Variants in BRCA2 observed in about 807,000 individuals in gnomAD.
BRCA2 encodes the protein breast cancer type 2 susceptibility protein.
A neutral mutation model predicts 276.7 loss-of-function variants in BRCA2; 203 were observed. That is an observed-to-expected ratio of 0.73 (90% CI 0.65 to 0.82). BRCA2 has a LOEUF of 0.82. BRCA2 is among the 40% of genes least tolerant of loss of function. BRCA2 has a pLI of 0.00. For missense variants in BRCA2, 3,920 were observed against 3,915.0 expected (o/e 1.00, Z -0.03); for synonymous variants, 1,289 against 1,338.4 (o/e 0.96, Z 0.81).
chr13:32,333,489 T>G (rs926659335), intron 10 of BRCA2, 102 bp downstream of exon 10: 18 of 1,286,666 alleles, frequency 1.4e-5, no homozygotes, highest in South Asian at 9.6e-5. Context: ...TATCTTATAT[T>G]TAATCTTAGG....
chr13:32,398,620 T>G lies in BRCA2; in HGVS notation c.10107T>G (p.Thr3369=). Residue 3369 remains threonine (T), a synonymous_variant, in exon 27 of 27, where the codon ACT becomes ACG. Coordinates refer to ENST00000380152, the MANE Select transcript of BRCA2 (RefSeq NM_000059.4). ...AATTTATATCTGTCAGTGAATCCAC[T>G]AGGACTGCTCCCACCAGTTCAGAAG... The part of the protein sequence containing the change: ...EKQFISVSES[T]RTAPTSSEDY... The G allele has an allele frequency of 6.2e-7, 1 of 1,614,066 alleles. No homozygotes were observed.
intron 24 of BRCA2, chr13:32,385,249 G>GA (rs1412541905): frequency 5.2e-6 from 1 of 192,970 alleles, no homozygotes; most frequent in African/African-American, 2.3e-5. Flanking sequence ...AGCAACGGGG[G>GA]ATCACAAGTC....
intron 24 of BRCA2, among the ~76,000 whole-genome samples, chr13:32,390,436 ATTTAAAAAAAAAACTAC>A (rs989458320): frequency 5.3e-5 from 8 of 152,156 alleles, no homozygotes; most frequent in African/African-American, 1.9e-4. Context: ...TAAAAACTAA[ATTTAAAAAAAAAACTAC>A]TTTAAAACAT....
At chr13:32,346,985 T>A in intron 13 of BRCA2, 89 bp downstream of exon 13, 1 of 1,023,042 alleles carries the variant, frequency 9.8e-7, no homozygotes, top group South Asian at 1.5e-5. Flanking sequence ...ATAATGACAC[T>A]AACGTTAAGA....
At chr13:32,364,264 G>A (rs1352543094) in intron 18 of BRCA2, among the ~76,000 whole-genome samples, 1 of 151,780 alleles carries the variant, frequency 6.6e-6, no homozygotes, top group East Asian at 1.9e-4. Context: ...ATCAATGCAT[G>A]TGCATAATTT....
intron 3 of BRCA2, among the ~76,000 whole-genome samples, chr13:32,320,148 G>A (rs562604111): frequency 2.0e-5 from 3 of 152,174 alleles, no homozygotes; most frequent in Non-Finnish European, 4.4e-5. Flanking sequence ...TGTCTGAAAG[G>A]GACCAATAGA....
At chr13:32,397,671 G>A (rs960098208) in intron 26 of BRCA2, among the ~76,000 whole-genome samples, 1 of 152,072 alleles carries the variant, frequency 6.6e-6, no homozygotes, top group Admixed American at 6.6e-5. Context: ...CACAGTTTCC[G>A]AGAACCTATC....
chr13:32,322,502 T>C (rs2072312865), intron 3 of BRCA2, among the ~76,000 whole-genome samples: 1 of 152,230 alleles, frequency 6.6e-6, no homozygotes, highest in African/African-American at 2.4e-5. Flanking sequence ...GTCTGGCTAG[T>C]TATCTGCAGC....
Position 32,342,270 on chromosome 13 carries a change from C to CAA in BRCA2, c.6841+1091_6841+1092dup, listed in dbSNP as rs58295304. On this transcript the variant is annotated intron_variant, in intron 11 of 26. Coordinates refer to ENST00000380152, the MANE Select transcript of BRCA2 (RefSeq NM_000059.4). ...CCTGGGCAACAGAGCGAGACTGTCT[C>CAA]AAAAAAAAAAAAAAAAAAGTGTATT... 2.0e-3 allele frequency among the ~76,000 whole-genome samples: 268 copies of CAA among 133,608 alleles called. 3 individuals are homozygous for CAA. Among genetic ancestry groups the CAA allele is most frequent in the South Asian group, 0.01 (41 of 3,978 alleles). The allele number at this position is 133,608 out of a possible 152,430, so 87.7% of individuals were successfully genotyped here. A position where few individuals can be genotyped will look rare whatever the true frequency, so the allele number is the denominator to read the frequency against.
At chr13:32,345,575 A>G (rs1002178453) in intron 12 of BRCA2, among the ~76,000 whole-genome samples, 1 of 152,040 alleles carries the variant, frequency 6.6e-6, no homozygotes, top group African/African-American at 2.4e-5. Context: ...TTTTGTCCTT[A>G]GAGTATATAG....
At chr13:32,345,721 A>C (rs2072606441) in intron 12 of BRCA2, among the ~76,000 whole-genome samples, 1 of 152,064 alleles carries the variant, frequency 6.6e-6, no homozygotes, top group African/African-American at 2.4e-5. Context: ...CACGAAATTT[A>C]TTTAAGTTTC....
rs587782670 is a variant in BRCA2, at chr13:32,338,026, G to T, written c.3671G>T (p.Gly1224Val). The change falls in exon 11 of 27, where the codon GGC becomes GTC. Residue 1224 changes from glycine to valine, a missense_variant. Gly to Val is a moderately radical substitution (Grantham distance 109). Coordinates refer to ENST00000380152, the MANE Select transcript of BRCA2 (RefSeq NM_000059.4). ...VGFRGFYSAH[G>V]TKLNVSTEAL... ...TTTAGGGGCTTTTATTCTGCTCATG[G>T]CACAAAACTGAATGTTTCTACTGAA... The T allele has an allele frequency of 6.2e-7, 1 of 1,612,028 alleles. No homozygotes were observed. Among genetic ancestry groups the T allele is most frequent in the Non-Finnish European group, 8.5e-7 (1 of 1,179,006 alleles).
rs2137502077 is a variant in BRCA2, at chr13:32,338,369, C to A, written c.4014C>A (p.Gly1338=). 1 of 1,588,530 alleles carries A rather than the reference C, an allele frequency of 6.3e-7. No individual in the cohort carries two copies. Among genetic ancestry groups the A allele is most frequent in the South Asian group, 1.2e-5 (1 of 85,590 alleles). ...ATTCTCATAACTTAGAATTTGATGGCAGTGATTCAAGTAAAAATGATACTG... is the reference window on the plus strand; with the variant it reads ...ATTCTCATAACTTAGAATTTGATGGAAGTGATTCAAGTAAAAATGATACTG... ...SRNSHNLEFD[G]SDSSKNDTVC... The change falls in exon 11 of 27, where the codon GGC becomes GGA. Residue 1338 remains glycine (G), a synonymous_variant. Transcript: ENST00000380152.
intron 7 of BRCA2, among the ~76,000 whole-genome samples, chr13:32,327,723 C>T (rs1235589787): frequency 6.7e-6 from 1 of 149,926 alleles, no homozygotes; most frequent in African/African-American, 2.4e-5. Context: ...CTCTGAGTAG[C>T]TGAGATTTGG....
At position 32,337,278 on chromosome 13, in the gene BRCA2, A is replaced by T. The variant is rs757213764; in HGVS notation, c.2923A>T (p.Ile975Phe). Residue 975 changes from isoleucine (I) to phenylalanine (F), a missense_variant, in exon 11 of 27, where the codon ATC becomes TTC. Physicochemically the swap from Ile to Phe is conservative, Grantham distance 21 (BLOSUM62 0). Coordinates refer to ENST00000380152, the MANE Select transcript of BRCA2 (RefSeq NM_000059.4). The part of the protein sequence containing the change: ...MTLGQDLKSD[I>F]SLNIDKIPEK... ...TCTAGGTCAAGATTTAAAATCGGAC[A>T]TCTCCTTGAATATAGATAAAATACC... 1.2e-6 allele frequency: 2 copies of T among 1,612,054 alleles called. No homozygotes were observed. Among genetic ancestry groups the T allele is most frequent in the East Asian group, 4.5e-5 (2 of 44,816 alleles).
At chr13:32,353,045 T>G (rs1213571342) in intron 13 of BRCA2, among the ~76,000 whole-genome samples, 1 of 152,252 alleles carries the variant, frequency 6.6e-6, no homozygotes, top group Non-Finnish European at 1.5e-5. Context: ...GGTTTATTCA[T>G]TCTTGTGCAT....
intron 17 of BRCA2, among the ~76,000 whole-genome samples, 165 bp downstream of exon 17, chr13:32,362,858 A>G (rs1040845385): frequency 7.9e-5 from 12 of 152,102 alleles, no homozygotes; most frequent in African/African-American, 2.2e-4. Context: ...TTTAAGAGAG[A>G]TCACACATTC....
intron 24 of BRCA2, among the ~76,000 whole-genome samples, chr13:32,382,844 C>T (rs1296993086): frequency 6.6e-6 from 1 of 152,166 alleles, no homozygotes; most frequent in African/African-American, 2.4e-5. Flanking sequence ...CTGTGGGGCA[C>T]TGTTCTCAGA....
chr13:32,363,035 A>G, intron 17 of BRCA2, 144 bp from the exon 18 acceptor site: 1 of 767,820 alleles, frequency 1.3e-6, no homozygotes, highest in Non-Finnish European at 2.1e-6. Flanking sequence ...ATATGAAACA[A>G]TATATTCCTA....
Sources: allele counts gnomAD v4.1 joint callset (sites outside exome capture counted in the v4.1 genomes callset), GRCh38; gene constraint gnomAD v4.1.1; transcripts MANE v1.5; gene names NCBI Gene and HGNC (gene_info 2026-07-23, HGNC 2026-07-21).